ACTL8: variants seen among roughly 807,000 people sequenced by gnomAD.
ACTL8 encodes actin-like protein 8.
ACTL8 carries 3 observed loss-of-function variants against 9.3 expected under a neutral mutation model. The ratio of observed to expected loss-of-function variants is 0.32; its 90% CI spans 0.15 to 0.83. The LOEUF (loss-of-function observed/expected upper bound fraction) is 0.83. ACTL8 is among the 40% of genes least tolerant of loss of function. ACTL8 has a pLI of 0.57. For missense variants in ACTL8, 381 were observed against 492.2 expected (o/e 0.77, Z 2.14); for synonymous variants, 224 against 205.9 (o/e 1.09, Z -0.75).
At chr1:17,802,001 G>C (rs939322069) in intron 1 of ACTL8, among the ~76,000 whole-genome samples, 1 of 152,154 alleles carries the variant, frequency 6.6e-6, no homozygotes, top group African/African-American at 2.4e-5. Context: ...TGTGAACGCT[G>C]TTCTAATTTA....
At chr1:17,790,496 C>T (rs946356857) in intron 1 of ACTL8, among the ~76,000 whole-genome samples, 12 of 152,204 alleles carry the variant, frequency 7.9e-5, no homozygotes, top group Non-Finnish European at 1.2e-4. Flanking sequence ...TGGGTAACTC[C>T]TCTCTGCAGC....
chr1:17,767,057 C>T lies in ACTL8; in HGVS notation c.-25+11553C>T, dbSNP rs1360925812. 1.3e-5 allele frequency among the ~76,000 whole-genome samples: 2 copies of T among 152,100 alleles called. No homozygotes were observed. Among genetic ancestry groups the T allele is most frequent in the Admixed American group, 6.5e-5 (1 of 15,278 alleles). On this transcript the variant is annotated intron_variant, in intron 1 of 2. Coordinates refer to ENST00000375406, the MANE Select transcript of ACTL8 (RefSeq NM_030812.3). The surrounding 1 kb of genome is among the most constrained non-coding windows in gnomAD (Gnocchi z 4.7). ...TGGAGAACAATGAATGGAACGGGAA[C>T]AGAGAGTGATGAAGAAGGTGACTTT...
rs59143238 is a variant in ACTL8 at position 17,800,583 on chromosome 1, C to CTTTTTTTTTTTTTTTTTTTTT, written c.-24-22395_-24-22375dup. On this transcript the variant is annotated intron_variant, in intron 1 of 2. Transcript: ENST00000375406. ...CAAACTTCCTTGCCTTGGTGTCAAT[C>CTTTTTTTTTTTTTTTTTTTTT]TTTTTTTTTTTTTTTTTTTTTTTTT... 1.9e-4 allele frequency among the ~76,000 whole-genome samples: 13 copies of CTTTTTTTTTTTTTTTTTTTTT among 69,156 alleles called. 3 individuals are homozygous for CTTTTTTTTTTTTTTTTTTTTT. The highest frequency in any genetic ancestry group is 7.7e-4 in the African/African-American group (12 of 15,486). 45.4% of individuals were successfully genotyped at this position (69,156 alleles called of 152,430 possible). A position where few individuals can be genotyped will look rare whatever the true frequency, so the allele number is the denominator to read the frequency against.
chr1:17,789,560 C>T (rs928036416), intron 1 of ACTL8, among the ~76,000 whole-genome samples: 1 of 152,126 alleles, frequency 6.6e-6, no homozygotes, highest in African/African-American at 2.4e-5. Context: ...CAGTGCCAGG[C>T]AACAAAACTG....
chr1:17,811,861 G>A (rs1043290824), intron 1 of ACTL8, among the ~76,000 whole-genome samples: 12 of 148,428 alleles, frequency 8.1e-5, no homozygotes, highest in African/African-American at 2.5e-5. Flanking sequence ...TGATGACTGG[G>A]TTTTCTGTCT....
chr1:17,782,256 T>C (rs2066161229), intron 1 of ACTL8, among the ~76,000 whole-genome samples: 1 of 152,134 alleles, frequency 6.6e-6, no homozygotes, highest in Non-Finnish European at 1.5e-5. Flanking sequence ...GCAGACAGCT[T>C]GAGGCAGACT....
chr1:17,822,848 T>A (rs2053674953), intron 1 of ACTL8, 137 bp from the exon 2 acceptor site: 1 of 631,840 alleles, frequency 1.6e-6, no homozygotes, highest in South Asian at 2.0e-5. Context: ...GCACAGGTAA[T>A]GGCTTGTGTA....
At chr1:17,766,533 CA>C (rs1286584154) in intron 1 of ACTL8, among the ~76,000 whole-genome samples, 2 of 152,154 alleles carry the variant, frequency 1.3e-5, no homozygotes, top group African/African-American at 4.8e-5. Context: ...ATAGCAAAAG[CA>C]AAAGTCACAA....
intron 1 of ACTL8, among the ~76,000 whole-genome samples, chr1:17,772,789 T>C (rs1054889815): frequency 4.6e-5 from 7 of 151,996 alleles, no homozygotes; most frequent in African/African-American, 1.2e-4. Context: ...CCCAGAGGGG[T>C]GTTTCTGGGG....
At position 17,826,348 on chromosome 1, in the gene ACTL8, C is replaced by T. The variant is rs377523284; in HGVS notation, c.930C>T (p.Arg310=). The change falls in exon 3 of 3, where the codon CGC becomes CGT. Residue 310 remains arginine (R), a synonymous_variant. Transcript: ENST00000375406. This position sits in a 1 kb window ranked among gnomAD's most constrained non-coding sequence, Gnocchi z 4.5. Reference sequence around the variant, plus strand: ...CCCTCTATCCCGGGTTCACAAAGCGCCTGTTCAGGGAGCTGATGGGGGATC... The same window carrying T: ...CCCTCTATCCCGGGTTCACAAAGCGTCTGTTCAGGGAGCTGATGGGGGATC... ...GNTLYPGFTK[R]LFRELMGDHV... is the part of the protein sequence containing the mutation. 7 of 1,613,910 alleles carry T rather than the reference C, an allele frequency of 4.3e-6. No homozygotes were observed. Among genetic ancestry groups the T allele is most frequent in the Middle Eastern group, 1.6e-4 (1 of 6,084 alleles).
chr1:17,826,268 G>A lies in ACTL8; in HGVS notation c.850G>A (p.Glu284Lys), dbSNP rs745895127. Residue 284 changes from glutamate (E) to lysine (K), a missense_variant, in exon 3 of 3, where the codon GAG becomes AAG. By Grantham distance (56) the Glu-to-Lys change is moderately conservative. This residue lies in a region of ACTL8 where 243 missense variants were observed against 276.2 expected (regional missense o/e 0.88). Transcript: ENST00000375406. This position sits in a 1 kb window ranked among gnomAD's most constrained non-coding sequence, Gnocchi z 4.5. ...RAIVESVESC[E>K]ISLRPLLVSH... ...CATTGTGGAATCCGTGGAGTCCTGC[G>A]AGATCTCCCTGCGCCCCCTGCTGGT... The A allele has an allele frequency of 6.8e-6, 11 of 1,612,170 alleles. No homozygotes were observed. The highest frequency in any genetic ancestry group is 3.3e-5 in the Admixed American group (2 of 59,956).
intron 1 of ACTL8, among the ~76,000 whole-genome samples, chr1:17,803,050 C>T (rs1423967652): frequency 6.6e-6 from 1 of 152,168 alleles, no homozygotes; most frequent in Non-Finnish European, 1.5e-5. Context: ...CTATCCAAAT[C>T]TCATCTTGAA....
intron 1 of ACTL8, among the ~76,000 whole-genome samples, chr1:17,806,135 T>C (rs2066358653): frequency 6.6e-6 from 1 of 152,242 alleles, no homozygotes; most frequent in Non-Finnish European, 1.5e-5. Context: ...TAATTTTTAA[T>C]GGCTTGGTTT....
chr1:17,825,642 C>T, intron 2 of ACTL8, 125 bp from the exon 3 acceptor site: 7 of 1,253,182 alleles, frequency 5.6e-6, no homozygotes, highest in Non-Finnish European at 7.6e-6. Context: ...GCTCCAGGGG[C>T]CCTGGGCGCA....
chr1:17,777,820 T>C (rs936365886), intron 1 of ACTL8, among the ~76,000 whole-genome samples: 8 of 152,176 alleles, frequency 5.3e-5, no homozygotes, highest in Non-Finnish European at 1.2e-4. Flanking sequence ...TGCCTCAGCC[T>C]CCCGAGTAGC....
At chr1:17,797,095 G>A (rs1277700601) in intron 1 of ACTL8, among the ~76,000 whole-genome samples, 1 of 151,956 alleles carries the variant, frequency 6.6e-6, no homozygotes, top group Non-Finnish European at 1.5e-5. Flanking sequence ...CTACTAAGAA[G>A]CTCTTGTTTA....
At chr1:17,787,890 T>C (rs1405169826) in intron 1 of ACTL8, among the ~76,000 whole-genome samples, 1 of 152,218 alleles carries the variant, frequency 6.6e-6, no homozygotes. Context: ...GAGGTCGTTT[T>C]CCTGTATCTT....
intron 1 of ACTL8, among the ~76,000 whole-genome samples, chr1:17,799,089 C>G (rs907209049): frequency 6.6e-6 from 1 of 152,150 alleles, no homozygotes; most frequent in Admixed American, 6.5e-5. Flanking sequence ...GTAGAGAATG[C>G]CCTTGTAGAG....
chr1:17,793,743 G>A (rs965715237), intron 1 of ACTL8, among the ~76,000 whole-genome samples: 2 of 152,126 alleles, frequency 1.3e-5, no homozygotes, highest in African/African-American at 4.8e-5. Flanking sequence ...CTGCTGTGGT[G>A]GCACCTCCTG....
Sources: allele counts gnomAD v4.1 joint callset (sites outside exome capture counted in the v4.1 genomes callset), GRCh38; gene constraint gnomAD v4.1.1; regional missense constraint gnomAD v4.1.1; non-coding constraint Gnocchi (gnomAD v3.1); transcripts MANE v1.5; gene names NCBI Gene and HGNC (gene_info 2026-07-23, HGNC 2026-07-21).